Variants in LEP observed in about 807,000 individuals in gnomAD.
The protein encoded by LEP is leptin, also known as leptin (murine obesity homolog).
A neutral mutation model predicts 9.8 loss-of-function variants in LEP; 6 were observed. The observed-to-expected ratio is 0.61, with a 90% confidence interval of 0.34 to 1.21. The LOEUF (loss-of-function observed/expected upper bound fraction) is 1.21, where lower values mean the gene tolerates loss of function less well. Among genes scored for constraint, LEP ranks in the 50% most tolerant of loss-of-function variants. The pLI is 0.04. For missense variants in LEP, 134 were observed against 198.1 expected (o/e 0.68, Z 1.94); for synonymous variants, 112 against 81.7 (o/e 1.37, Z -2.00).
intron 1 of LEP, among the ~76,000 whole-genome samples, chr7:128,247,981 T>C (rs754587850): frequency 1.4e-4 from 22 of 152,184 alleles, no homozygotes; most frequent in South Asian, 2.1e-4. Context: ...TTCATTTAAA[T>C]GTTCTTCCTT....
In LEP at chr7:128,252,158, AC is replaced by A. The variant is rs771590018; in HGVS notation, c.141del (p.His47GlnfsTer24). ...TIVTRINDISHTQSVSSKQKV... is the reference protein window; with the variant it reads ...TIVTRINDISXTQSVSSKQKV... ...GTCACCAGGATCAATGACATTTCAC[AC>A]ACGGTAAGGAGAGTATGCGGGGACA... is the stretch of plus-strand genomic sequence containing the variant. On this transcript the variant is annotated frameshift_variant, in exon 2 of 3. Coordinates refer to ENST00000308868, the MANE Select transcript of LEP (RefSeq NM_000230.3). LOFTEE classifies it low-confidence loss of function (END_TRUNC). The A allele has an allele frequency of 6.2e-7, 1 of 1,614,048 alleles. No homozygotes were observed. The highest frequency in any genetic ancestry group is 1.3e-5 in the African/African-American group (1 of 74,918).
In LEP at chr7:128,254,976, C is replaced by G. The variant is rs202242436; in HGVS notation, c.*213C>G. On this transcript the variant is annotated 3_prime_UTR_variant, in exon 3 of 3. Coordinates refer to ENST00000308868, the MANE Select transcript of LEP (RefSeq NM_000230.3). ...ATATATACACAGGATCCTATTCTCACCAGGAAGGGGGTCCACCCAGCAAAG... is the reference window on the plus strand; with the variant it reads ...ATATATACACAGGATCCTATTCTCAGCAGGAAGGGGGTCCACCCAGCAAAG... The G allele has an allele frequency of 1.7e-6, 1 of 581,418 alleles. No homozygotes were observed. Among genetic ancestry groups the G allele is most frequent in the African/African-American group, 1.9e-5 (1 of 53,604 alleles). The allele number at this position is 581,418 out of a possible 1,614,324, so 36.0% of individuals were successfully genotyped here.
rs978566374 is a variant in LEP, at chr7:128,256,964, AAG to A, written c.*2202_*2203del. ...TTGGTGTGTGGAGATGCAGAGGTAA[AAG>A]TGTGAGCAGTGAGTTACAGCGAGAG... On this transcript the variant is annotated 3_prime_UTR_variant, in exon 3 of 3. Coordinates refer to ENST00000308868, the MANE Select transcript of LEP (RefSeq NM_000230.3). 5.2e-5 allele frequency: 8 copies of A among 152,454 alleles called. No homozygotes were observed. Among genetic ancestry groups the A allele is most frequent in the African/African-American group, 1.9e-4 (8 of 41,432 alleles). The allele number at this position is 152,454 out of a possible 1,614,324, so 9.4% of individuals were successfully genotyped here.
Position 128,241,288 on chromosome 7 carries a change from C to G in LEP, c.-47C>G, listed in dbSNP as rs1795147654. 6.5e-6 allele frequency: 1 copy of G among 154,288 alleles called. No individual in the cohort carries two copies. The highest frequency in any genetic ancestry group is 2.1e-4 in the South Asian group (1 of 4,850). The allele number at this position is 154,288 out of a possible 1,614,324, so 9.6% of individuals were successfully genotyped here. ...CAGGCATGGAGCCCCGTAGGAATCGCAGCGCCAGCGGTTGCAAGGTAAGGC... is the reference window on the plus strand; with the variant it reads ...CAGGCATGGAGCCCCGTAGGAATCGGAGCGCCAGCGGTTGCAAGGTAAGGC... On this transcript the variant is annotated 5_prime_UTR_variant, in exon 1 of 3. Transcript: ENST00000308868.
chr7:128,246,909 C>A (rs1395741306), intron 1 of LEP, among the ~76,000 whole-genome samples: 1 of 152,060 alleles, frequency 6.6e-6, no homozygotes, highest in African/African-American at 2.4e-5. Flanking sequence ...GAGGGCAGCC[C>A]AGGGAGTGCA....
At chr7:128,250,880 G>A (rs768058308) in intron 1 of LEP, among the ~76,000 whole-genome samples, 13 of 152,142 alleles carry the variant, frequency 8.5e-5, no homozygotes, top group Admixed American at 1.3e-4. Context: ...CCACAGACTC[G>A]CATACATTTA....
Position 128,256,713 on chromosome 7 carries a change from G to T in LEP, c.*1950G>T, listed in dbSNP as rs200171215. ...CATCCCTTTGAAACAAGATAACTGA[G>T]AATTTAAAAATAAGAAAATACATAA... On this transcript the variant is annotated 3_prime_UTR_variant, in exon 3 of 3. Transcript: ENST00000308868. 1 of 152,174 alleles carries T rather than the reference G, an allele frequency of 6.6e-6. No individual in the cohort carries two copies. The highest frequency in any genetic ancestry group is 6.5e-5 in the Admixed American group (1 of 15,274). 9.4% of individuals were successfully genotyped at this position (152,174 alleles called of 1,614,324 possible).
chr7:128,242,137 T>G (rs962329301), intron 1 of LEP, among the ~76,000 whole-genome samples: 1 of 152,238 alleles, frequency 6.6e-6, no homozygotes, highest in African/African-American at 2.4e-5. Flanking sequence ...AGTGGTGCTT[T>G]GGGAAAGTGA....
chr7:128,244,086 TA>T (rs11380467), intron 1 of LEP, among the ~76,000 whole-genome samples: 43 of 148,466 alleles, frequency 2.9e-4, no homozygotes, highest in Non-Finnish European at 4.3e-4. Context: ...CCATCTCTAT[TA>T]AAAAAAAAAA....
At chr7:128,241,740 G>A (rs1240708155) in intron 1 of LEP, among the ~76,000 whole-genome samples, 7 of 152,234 alleles carry the variant, frequency 4.6e-5, no homozygotes, top group Non-Finnish European at 8.8e-5. Flanking sequence ...GCCTTGCTCT[G>A]CGGGTAGGAA....
chr7:128,248,709 A>G (rs1192017446), intron 1 of LEP, among the ~76,000 whole-genome samples: 1 of 152,238 alleles, frequency 6.6e-6, no homozygotes. Flanking sequence ...TATTTTTAAC[A>G]AATATTTTAT....
At chr7:128,243,491 C>T (rs894377237) in intron 1 of LEP, among the ~76,000 whole-genome samples, 3 of 151,978 alleles carry the variant, frequency 2.0e-5, no homozygotes, top group East Asian at 1.9e-4. Context: ...GGGCCACGGG[C>T]GGGAGTATCC....
chr7:128,254,756 G>T lies in LEP; in HGVS notation c.497G>T (p.Gly166Val), dbSNP rs1458700374. Reference protein sequence around the residue: ...DMLWQLDLSPGC With the variant: ...DMLWQLDLSPVC ...CTGTGGCAGCTGGACCTCAGCCCTG[G>T]GTGCTGAGGCCTTGAAGGTCACTCT... is the stretch of plus-strand genomic sequence containing the variant. Residue 166 changes from glycine (G) to valine (V), a missense_variant, in exon 3 of 3, where the codon GGG becomes GTG. Gly to Val is a moderately radical substitution (Grantham distance 109). Coordinates refer to ENST00000308868, the MANE Select transcript of LEP (RefSeq NM_000230.3). 6.2e-7 allele frequency: 1 copy of T among 1,609,390 alleles called. No individual in the cohort carries two copies. The highest frequency in any genetic ancestry group is 8.5e-7 in the Non-Finnish European group (1 of 1,179,902).
At chr7:128,241,719 T>C (rs973675632) in intron 1 of LEP, among the ~76,000 whole-genome samples, 4 of 152,198 alleles carry the variant, frequency 2.6e-5, no homozygotes, top group African/African-American at 9.6e-5. Context: ...TCAGTCTCAG[T>C]CCCAGACATT....
intron 1 of LEP, among the ~76,000 whole-genome samples, chr7:128,246,284 C>T (rs1795210257): frequency 1.3e-5 from 2 of 151,960 alleles, no homozygotes; most frequent in South Asian, 4.2e-4. Flanking sequence ...GCGGGCCCTG[C>T]ACACAACTGC....
At chr7:128,251,868 T>A (rs1795278744) in intron 1 of LEP, 123 bp from the exon 2 acceptor site, 1 of 774,002 alleles carries the variant, frequency 1.3e-6, no homozygotes, top group African/African-American at 1.7e-5. Flanking sequence ...TTTGAGGGGA[T>A]GGTAGCCAGA....
intron 1 of LEP, among the ~76,000 whole-genome samples, chr7:128,246,267 G>C: frequency 6.6e-6 from 1 of 151,952 alleles, no homozygotes; most frequent in African/African-American, 2.4e-5. Flanking sequence ...GAGGTGGAGG[G>C]TGGGGTGCGG....
intron 2 of LEP, among the ~76,000 whole-genome samples, chr7:128,252,967 C>T (rs1430307954): frequency 6.6e-6 from 1 of 152,140 alleles, no homozygotes; most frequent in East Asian, 1.9e-4. Context: ...TTTCAACCTA[C>T]CAAGGGGAAA....
intron 1 of LEP, among the ~76,000 whole-genome samples, chr7:128,244,278 C>T (rs1175559026): frequency 7.9e-6 from 1 of 126,868 alleles, no homozygotes; most frequent in African/African-American, 2.8e-5. Context: ...CACACACACA[C>T]ACAGATTAGA....
Sources: allele counts gnomAD v4.1 joint callset (sites outside exome capture counted in the v4.1 genomes callset), GRCh38; gene constraint gnomAD v4.1.1; transcripts MANE v1.5; gene names NCBI Gene and HGNC (gene_info 2026-07-23, HGNC 2026-07-21).